EEF2K: variants seen among roughly 807,000 people sequenced by gnomAD.
EEF2K encodes alternative protein EEF2K.
EEF2K carries 70 observed loss-of-function variants against 93.8 expected under a neutral mutation model. That is an observed-to-expected ratio of 0.75 (90% CI 0.62 to 0.91). EEF2K has a LOEUF of 0.91. Among genes scored for constraint, EEF2K ranks in the 40% least tolerant of loss-of-function variants. The pLI, the probability that EEF2K is intolerant of heterozygous loss-of-function variation, is 0.00. For synonymous variants in EEF2K, 376 were observed against 380.8 expected (o/e 0.99, Z 0.15); for missense variants, 935 against 972.9 (o/e 0.96, Z 0.52).
intron 1 of EEF2K, among the ~76,000 whole-genome samples, chr16:22,211,809 G>A (rs533719865): frequency 1.2e-4 from 19 of 152,194 alleles, no homozygotes; most frequent in African/African-American, 4.3e-4. Flanking sequence ...GCAGGAAACT[G>A]CCAGCTTTTC....
chr16:22,259,494 G>A lies in EEF2K; in HGVS notation c.1231+799G>A, dbSNP rs531449994. ...AGGAGTCAACAGACTTTTTTAAAAGGTCAGAGAGTAAATATTTTAAGCTTT... is the reference window on the plus strand; with the variant it reads ...AGGAGTCAACAGACTTTTTTAAAAGATCAGAGAGTAAATATTTTAAGCTTT... On this transcript the variant is annotated intron_variant, in intron 10 of 17. Transcript: ENST00000263026. Among the ~76,000 whole-genome samples, 3 of 152,246 alleles carry A rather than the reference G, an allele frequency of 2.0e-5. No homozygotes were observed. The East Asian group carries it at 5.8e-4, about 29-fold the overall frequency.
rs1180012951 is a variant in EEF2K at position 22,285,844 on chromosome 16, A to G, written c.*1848A>G. ...TTGTTGTTGCTTATGCAGAGAGATT[A>G]TTTTCTTTTTATTATTTTATAATTT... On this transcript the variant is annotated 3_prime_UTR_variant, in exon 18 of 18. Coordinates refer to ENST00000263026, the MANE Select transcript of EEF2K (RefSeq NM_013302.5). 2 of 152,198 alleles carry G rather than the reference A, an allele frequency of 1.3e-5. No individual in the cohort carries two copies. The highest frequency in any genetic ancestry group is 2.4e-5 in the African/African-American group (1 of 41,456). 9.4% of individuals were successfully genotyped at this position (152,198 alleles called of 1,614,324 possible).
chr16:22,226,894 C>A (rs1375840608), intron 2 of EEF2K, among the ~76,000 whole-genome samples: 1 of 152,142 alleles, frequency 6.6e-6, no homozygotes, highest in Non-Finnish European at 1.5e-5. Context: ...CATAGTGAGA[C>A]CCTGTCTCTC....
chr16:22,226,325 C>CTT (rs935058417), intron 2 of EEF2K, among the ~76,000 whole-genome samples: 1,294 of 63,630 alleles, frequency 0.02, 56 homozygotes, highest in African/African-American at 0.066. Context: ...AGGTGCTGTT[C>CTT]TTTTTTTTTT....
chr16:22,280,957 TG>T (rs1216448510), intron 17 of EEF2K, among the ~76,000 whole-genome samples: 2 of 151,526 alleles, frequency 1.3e-5, no homozygotes, highest in African/African-American at 4.9e-5. Flanking sequence ...CCACCACACC[TG>T]GCCCAGAGTT....
intron 12 of EEF2K, 76 bp downstream of exon 12, chr16:22,263,263 T>C: frequency 1.5e-6 from 2 of 1,359,754 alleles, no homozygotes; most frequent in Admixed American, 2.4e-5. Flanking sequence ...AAACTCCCCT[T>C]CCTGGAGGGG....
At chr16:22,263,955 C>T (rs929784231) in intron 12 of EEF2K, among the ~76,000 whole-genome samples, 4 of 152,132 alleles carry the variant, frequency 2.6e-5, no homozygotes, top group African/African-American at 9.7e-5. Flanking sequence ...ACATCAAGGC[C>T]AGTCTTGCCA....
intron 16 of EEF2K, among the ~76,000 whole-genome samples, chr16:22,276,275 T>C (rs1303116422): frequency 2.0e-5 from 3 of 152,162 alleles, no homozygotes; most frequent in African/African-American, 4.8e-5. Flanking sequence ...ATTTTTTTTT[T>C]CAGATATGTC....
In EEF2K at chr16:22,279,924, A is replaced by G. The variant is rs2047676039; in HGVS notation, c.1890-274A>G. ...GACAGGAGAATTGCTTGAACTTGAG[A>G]GGCGGAGGCTGCAGTGGGCCGAGAT... is the stretch of plus-strand genomic sequence containing the variant. On this transcript the variant is annotated intron_variant, in intron 16 of 17. Coordinates refer to ENST00000263026, the MANE Select transcript of EEF2K (RefSeq NM_013302.5). 2.6e-5 allele frequency among the ~76,000 whole-genome samples: 4 copies of G among 152,154 alleles called. No individual in the cohort carries two copies. The South Asian group carries it at 8.3e-4, about 31-fold the overall frequency.
intron 1 of EEF2K, among the ~76,000 whole-genome samples, chr16:22,209,516 C>G (rs1419467191): frequency 1.3e-5 from 2 of 152,150 alleles, no homozygotes; most frequent in Non-Finnish European, 2.9e-5. Flanking sequence ...TGGTCCAGTT[C>G]TTACACCTGA....
chr16:22,282,188 A>G (rs571194871), intron 17 of EEF2K, among the ~76,000 whole-genome samples: 2 of 152,278 alleles, frequency 1.3e-5, no homozygotes, highest in South Asian at 4.1e-4. Flanking sequence ...ACAGAGTGAG[A>G]CCCTGTCTCA....
rs1249022106 is a variant in EEF2K at position 22,257,782 on chromosome 16, G to T, written c.1029+12G>T. The T allele has an allele frequency of 6.2e-7, 1 of 1,612,512 alleles. No homozygotes were observed. Among genetic ancestry groups the T allele is most frequent in the African/African-American group, 1.3e-5 (1 of 75,060 alleles). On this transcript the variant is annotated intron_variant, in intron 9 of 17. Transcript: ENST00000263026. The stretch of plus-strand genomic sequence containing the variant: ...ACACCAAGCTGCTGGTGGGTGCCCA[G>T]TGTGACCCTGCTTGGCCTGGCAGGC...
chr16:22,274,386 G>C (rs144499657), intron 16 of EEF2K, among the ~76,000 whole-genome samples: 1 of 150,926 alleles, frequency 6.6e-6, no homozygotes, highest in Non-Finnish European at 1.5e-5. Context: ...GGAGATTGCC[G>C]TGAGCCAAGA....
intron 1 of EEF2K, among the ~76,000 whole-genome samples, chr16:22,223,800 T>G (rs1056235032): frequency 9.2e-5 from 14 of 152,296 alleles, no homozygotes; most frequent in Non-Finnish European, 2.9e-5. Flanking sequence ...TTTCTAACAG[T>G]CACGGAGTAT....
At chr16:22,237,988 T>C (rs1439784965) in intron 2 of EEF2K, among the ~76,000 whole-genome samples, 17 of 152,024 alleles carry the variant, frequency 1.1e-4, no homozygotes, top group Non-Finnish European at 1.5e-5. Context: ...CCCTAAACAA[T>C]AGGTCTTAGA....
chr16:22,287,099 G>A lies in EEF2K; in HGVS notation c.*3103G>A, dbSNP rs147081843. 2.7e-3 allele frequency: 407 copies of A among 152,460 alleles called. 2 individuals are homozygous for A. Among genetic ancestry groups the A allele is most frequent in the Non-Finnish European group, 4.2e-3 (286 of 68,122 alleles). The allele number at this position is 152,460 out of a possible 1,614,324, so 9.4% of individuals were successfully genotyped here. ...CTTCAAAACCTAGTTTGGGCTGGGT[G>A]CAGTGGCTCACGCCACTTTGGGAGG... On this transcript the variant is annotated 3_prime_UTR_variant, in exon 18 of 18. Coordinates refer to ENST00000263026, the MANE Select transcript of EEF2K (RefSeq NM_013302.5).
rs2046921422 is a variant in EEF2K, at chr16:22,212,215, CAG to C, written c.-77+5537_-77+5538del. Among the ~76,000 whole-genome samples, 4 of 152,168 alleles carry C rather than the reference CAG, an allele frequency of 2.6e-5. No individual in the cohort carries two copies. The South Asian group carries it at 8.3e-4, about 31-fold the overall frequency. On this transcript the variant is annotated intron_variant, in intron 1 of 17. Coordinates refer to ENST00000263026, the MANE Select transcript of EEF2K (RefSeq NM_013302.5). The stretch of plus-strand genomic sequence containing the variant: ...ATGACAGTTTTATATGCAGAAAACA[CAG>C]TGTACTGCAATGATATTTTTACGAG...
At chr16:22,277,101 AT>A (rs1180623349) in intron 16 of EEF2K, among the ~76,000 whole-genome samples, 1 of 152,160 alleles carries the variant, frequency 6.6e-6, no homozygotes, top group African/African-American at 2.4e-5. Context: ...CATGTCACCA[AT>A]AATTTTCAAA....
chr16:22,247,067 A>G (rs36071083), intron 3 of EEF2K, among the ~76,000 whole-genome samples: 15 of 142,534 alleles, frequency 1.1e-4, no homozygotes, highest in African/African-American at 4.1e-4. Flanking sequence ...AAAAAAAAAA[A>G]GAAACTAGAA....
Sources: gnomAD v4.1 joint callset for allele counts (sites outside exome capture counted in the v4.1 genomes callset) on GRCh38, gnomAD v4.1.1 for gene constraint, MANE v1.5 for transcripts, NCBI Gene and HGNC (gene_info 2026-07-23, HGNC 2026-07-21) for gene names.